Variants in PLPP1 observed in about 807,000 individuals in gnomAD.
PLPP1 encodes the protein phospholipid phosphatase 1.
Under a neutral mutation model 31.2 loss-of-function variants are expected in PLPP1, and 24 were observed. That is an observed-to-expected ratio of 0.77 (90% CI 0.56 to 1.08). The LOEUF (loss-of-function observed/expected upper bound fraction) is 1.08. Ranked by LOEUF, PLPP1 falls within the 50% of genes least tolerant of loss-of-function variation. The pLI, the probability that PLPP1 is intolerant of heterozygous loss-of-function variation, is 0.00. For synonymous variants in PLPP1, 146 were observed against 126.3 expected, an observed-to-expected ratio of 1.16 and a Z score of -1.05; for missense variants, 319 against 342.7, an observed-to-expected ratio of 0.93 and a Z score of 0.55.
intron 3 of PLPP1, among the ~76,000 whole-genome samples, chr5:55,460,414 G>A (rs1483059683): frequency 6.6e-6 from 1 of 152,090 alleles, no homozygotes; most frequent in African/African-American, 2.4e-5. Flanking sequence ...TAATAAAATT[G>A]ATAAGTTTCT....
intron 2 of PLPP1, among the ~76,000 whole-genome samples, chr5:55,469,772 T>C (rs1485236650): frequency 6.6e-6 from 1 of 152,194 alleles, no homozygotes; most frequent in Admixed American, 6.5e-5. Context: ...ATACCTAAAA[T>C]CCTTTCCTTA....
At chr5:55,476,354 C>G (rs1409614483) in intron 1 of PLPP1, among the ~76,000 whole-genome samples, 2 of 151,838 alleles carry the variant, frequency 1.3e-5, no homozygotes, top group African/African-American at 2.4e-5. Flanking sequence ...ACAATGGAGT[C>G]AAGCATAAAA....
intron 1 of PLPP1, among the ~76,000 whole-genome samples, chr5:55,490,331 G>A (rs1752863210): frequency 1.3e-5 from 2 of 151,520 alleles, no homozygotes; most frequent in Non-Finnish European, 2.9e-5. Context: ...TTTATTTTTA[G>A]TAGAGACTAG....
At chr5:55,447,489 G>C (rs1751791777) in intron 3 of PLPP1, among the ~76,000 whole-genome samples, 1 of 152,144 alleles carries the variant, frequency 6.6e-6, no homozygotes, top group African/African-American at 2.4e-5. Flanking sequence ...GTATGTTCAG[G>C]TACTTAATAC....
At chr5:55,523,538 G>A (rs922810421) in intron 1 of PLPP1, among the ~76,000 whole-genome samples, 1 of 152,156 alleles carries the variant, frequency 6.6e-6, no homozygotes, top group African/African-American at 2.4e-5. Context: ...TCTACAGAAT[G>A]CAGATGACCA....
intron 2 of PLPP1, among the ~76,000 whole-genome samples, chr5:55,472,750 AGGAAGAGGAAGAAGAAG>A (rs1752448108): frequency 5.9e-4 from 3 of 5,052 alleles, no homozygotes; most frequent in South Asian, 0.033. Context: ...GAGGAAGAAG[AGGAAGAGGAAGAAGAAG>A]AGGAAGAGGA....
At chr5:55,504,035 G>A (rs1197009979) in intron 1 of PLPP1, among the ~76,000 whole-genome samples, 2 of 151,956 alleles carry the variant, frequency 1.3e-5, no homozygotes, top group Non-Finnish European at 2.9e-5. Context: ...AGCACTTTGA[G>A]AGGTGGGTGG....
Position 55,424,862 on chromosome 5 carries a change from T to C in PLPP1, c.*344A>G. The stretch of plus-strand genomic sequence containing the variant: ...ATGCCTGCAAGTGTGGATTTGGTTC[T>C]CCCATACATTTTAATATGTATTATA... On this transcript the variant is annotated 3_prime_UTR_variant, in exon 6 of 6. Transcript: ENST00000307259. The C allele has an allele frequency of 1.1e-6, 1 of 893,304 alleles. No individual in the cohort carries two copies. The allele number at this position is 893,304 out of a possible 1,614,324, so 55.3% of individuals were successfully genotyped here.
chr5:55,436,017 GAAAAAAAAA>G (rs57953984), intron 4 of PLPP1, among the ~76,000 whole-genome samples: 1 of 114,890 alleles, frequency 8.7e-6, no homozygotes, highest in African/African-American at 3.4e-5. Flanking sequence ...CTGTCTCAGA[GAAAAAAAAA>G]AAAAAAAAAA....
chr5:55,505,477 T>C (rs1216997334), intron 1 of PLPP1, among the ~76,000 whole-genome samples: 2 of 151,970 alleles, frequency 1.3e-5, no homozygotes, highest in Non-Finnish European at 2.9e-5. Context: ...AGAGGTTTAT[T>C]TCTTTAAGGA....
chr5:55,528,897 T>C lies in PLPP1; in HGVS notation c.58+5675A>G, dbSNP rs543533025. On this transcript the variant is annotated intron_variant, in intron 1 of 5. Coordinates refer to ENST00000307259, the MANE Select transcript of PLPP1 (RefSeq NM_003711.4). ...TCTGTGATTTGGGCCTTCTACAAAA[T>C]ACTTTATGATTCTCACTAATGAATA... Among the ~76,000 whole-genome samples, 17 of 152,300 alleles carry C rather than the reference T, an allele frequency of 1.1e-4. 1 individual carries two copies. In the South Asian group the frequency reaches 3.5e-3, roughly 32 times the overall value.
chr5:55,488,144 G>A lies in PLPP1; in HGVS notation c.59-12694C>T, dbSNP rs537339099. ...GTCAATCCTAACAGCAAACTCACAG[G>A]AATTAATCAAAGTTTGATACTAAGA... On this transcript the variant is annotated intron_variant, in intron 1 of 5. Transcript: ENST00000307259. Among the ~76,000 whole-genome samples the A allele has an allele frequency of 6.6e-5, 10 of 150,688 alleles. No homozygotes were observed. In the East Asian group the frequency reaches 2.0e-3, roughly 29 times the overall value.
chr5:55,445,041 C>T (rs148071628), intron 3 of PLPP1, among the ~76,000 whole-genome samples: 113 of 152,242 alleles, frequency 7.4e-4, no homozygotes, highest in African/African-American at 2.4e-3. Context: ...TGAGCCACCG[C>T]GCCTAGCCTG....
chr5:55,426,572 G>GT (rs10573958), intron 4 of PLPP1, among the ~76,000 whole-genome samples: 1,954 of 148,438 alleles, frequency 0.013, 42 homozygotes, highest in African/African-American at 0.045. Flanking sequence ...CAGCTAATTG[G>GT]TTTTTTTTTT....
At position 55,534,770 on chromosome 5, in the gene PLPP1, A is replaced by T; in HGVS notation, c.-141T>A. ...CCCAGCCGGAGGAGGAGAGCAGCCG[A>T]GGGCGGGCTGAGACCGGGCGGCGCT... On this transcript the variant is annotated 5_prime_UTR_variant, in exon 1 of 6. Coordinates refer to ENST00000307259, the MANE Select transcript of PLPP1 (RefSeq NM_003711.4). 1 of 898,092 alleles carries T rather than the reference A, an allele frequency of 1.1e-6. No individual in the cohort carries two copies. Among genetic ancestry groups the T allele is most frequent in the Non-Finnish European group, 1.6e-6 (1 of 629,350 alleles). The allele number at this position is 898,092 out of a possible 1,614,324, so 55.6% of individuals were successfully genotyped here. A position where few individuals can be genotyped will look rare whatever the true frequency, so the allele number is the denominator to read the frequency against.
At chr5:55,462,259 T>C (rs1752181598) in intron 3 of PLPP1, among the ~76,000 whole-genome samples, 1 of 152,238 alleles carries the variant, frequency 6.6e-6, no homozygotes, top group African/African-American at 2.4e-5. Flanking sequence ...TTAAAACTAT[T>C]ACAAAGCTGC....
chr5:55,512,526 AAG>A (rs1491470866), intron 1 of PLPP1, among the ~76,000 whole-genome samples: 4 of 8,410 alleles, frequency 4.8e-4, no homozygotes, highest in African/African-American at 1.1e-3. Flanking sequence ...GAAAGAAAGA[AAG>A]AAAGAAAGAA....
chr5:55,501,146 C>G (rs1035446001), intron 1 of PLPP1, among the ~76,000 whole-genome samples: 1 of 152,128 alleles, frequency 6.6e-6, no homozygotes, highest in African/African-American at 2.4e-5. Context: ...AACCCCATCT[C>G]TACTAAAAAT....
At chr5:55,458,876 GA>G (rs1337245825) in intron 3 of PLPP1, among the ~76,000 whole-genome samples, 40 of 97,016 alleles carry the variant, frequency 4.1e-4, no homozygotes, top group African/African-American at 1.5e-3. Context: ...CAACAGAGGA[GA>G]CCCTGTCTCC....
Sources: gnomAD v4.1 joint callset for allele counts (sites outside exome capture counted in the v4.1 genomes callset) on GRCh38, gnomAD v4.1.1 for gene constraint, MANE v1.5 for transcripts, NCBI Gene and HGNC (gene_info 2026-07-23, HGNC 2026-07-21) for gene names.